KIT: variants seen among roughly 807,000 people sequenced by gnomAD.
KIT encodes the protein KIT proto-oncogene, receptor tyrosine kinase.
Under a neutral mutation model 105.7 loss-of-function variants are expected in KIT, and 16 were observed. The observed-to-expected ratio is 0.15, with a 90% CI of 0.10 to 0.23. The LOEUF is 0.23. Among genes scored for constraint, KIT ranks in the 10% least tolerant of loss-of-function variants. The pLI is 1.00. For synonymous variants in KIT, 438 were observed against 441.1 expected, an observed-to-expected ratio of 0.99 and a Z score of 0.09; for missense variants, 858 against 1,213.8, an observed-to-expected ratio of 0.71 and a Z score of 4.36.
chr4:54,679,613 T>G (rs762560698), intron 1 of KIT, among the ~76,000 whole-genome samples: 9 of 152,122 alleles, frequency 5.9e-5, no homozygotes, highest in Non-Finnish European at 1.0e-4. Context: ...ACTAGCAAAA[T>G]GTACTGATTT....
intron 1 of KIT, among the ~76,000 whole-genome samples, chr4:54,664,321 T>G (rs745863366): frequency 2.0e-5 from 3 of 152,148 alleles, no homozygotes; most frequent in Non-Finnish European, 4.4e-5. Flanking sequence ...TCAAGGAGCA[T>G]GGAGGGAATG....
At chr4:54,726,661 G>A (rs1722233131) in intron 9 of KIT, among the ~76,000 whole-genome samples, 1 of 151,954 alleles carries the variant, frequency 6.6e-6, no homozygotes, top group African/African-American at 2.4e-5. Flanking sequence ...TGTTGTTTTC[G>A]TTTTTTGAGT....
At chr4:54,686,382 A>T (rs1378516632) in intron 1 of KIT, among the ~76,000 whole-genome samples, 6 of 152,226 alleles carry the variant, frequency 3.9e-5, no homozygotes, top group Non-Finnish European at 8.8e-5. Flanking sequence ...GAGACCTGGC[A>T]TGCAGATAGA....
At chr4:54,726,716 G>A (rs747402487) in intron 9 of KIT, among the ~76,000 whole-genome samples, 41 of 151,580 alleles carry the variant, frequency 2.7e-4, no homozygotes, top group Non-Finnish European at 5.2e-4. Flanking sequence ...CTCAGGTTTT[G>A]AGTAGTGAGG....
chr4:54,719,680 C>A (rs1721737846), intron 7 of KIT, among the ~76,000 whole-genome samples: 1 of 152,118 alleles, frequency 6.6e-6, no homozygotes, highest in Non-Finnish European at 1.5e-5. Flanking sequence ...CTGCTTATTG[C>A]AGAATATCTA....
chr4:54,658,591 G>A (rs1165808105), intron 1 of KIT, among the ~76,000 whole-genome samples: 1 of 152,156 alleles, frequency 6.6e-6, no homozygotes, highest in African/African-American at 2.4e-5. Context: ...TGCGGCTACT[G>A]CCTTCCAACC....
rs988484294 is a variant in KIT, at chr4:54,727,964, A to G, written c.1879+37A>G. 5.0e-6 allele frequency: 8 copies of G among 1,612,236 alleles called. No homozygotes were observed. The African/African-American group carries it at 1.1e-4, about 22-fold the overall frequency. On this transcript the variant is annotated intron_variant, in intron 12 of 20. Coordinates refer to ENST00000288135, the MANE Select transcript of KIT (RefSeq NM_000222.3). ...TATGGTACTGCATGCGCTTGACATC[A>G]GTTTGCCAGTTGTGCTTTTTGCTAA... is the stretch of plus-strand genomic sequence containing the variant.
chr4:54,710,822 T>G (rs1261870993), intron 7 of KIT, among the ~76,000 whole-genome samples: 1 of 152,230 alleles, frequency 6.6e-6, no homozygotes, highest in Non-Finnish European at 1.5e-5. Context: ...ATTATAGGCA[T>G]GAGCCACCGC....
At chr4:54,711,855 G>C (rs1231412568) in intron 7 of KIT, among the ~76,000 whole-genome samples, 2 of 151,498 alleles carry the variant, frequency 1.3e-5, no homozygotes, top group Non-Finnish European at 1.5e-5. Flanking sequence ...CCTCAACCTG[G>C]GAGACAGAGG....
In KIT at chr4:54,699,743, A is replaced by G. The variant is rs754400702; in HGVS notation, c.733A>G (p.Thr245Ala). The G allele has an allele frequency of 1.9e-6, 3 of 1,613,824 alleles. No homozygotes were observed. Among genetic ancestry groups the G allele is most frequent in the African/African-American group, 2.7e-5 (2 of 74,914 alleles). Residue 245 changes from threonine (T) to alanine (A), a missense_variant, in exon 4 of 21, where the codon ACG becomes GCG. Thr to Ala is a moderately conservative substitution (Grantham distance 58). Around this residue, in one of 7 missense-constraint regions of KIT, gnomAD observed 401 missense variants for 601.0 expected, o/e 0.67. Coordinates refer to ENST00000288135, the MANE Select transcript of KIT (RefSeq NM_000222.3). The part of the protein sequence containing the change: ...IKDVSSSVYS[T>A]WKRENSQTKL... ...AGATGTGTCTAGTTCTGTGTACTCA[A>G]CGTGGAAAAGAGAAAACAGTCAGGT...
chr4:54,671,701 G>A (rs1718121727), intron 1 of KIT, among the ~76,000 whole-genome samples: 1 of 152,084 alleles, frequency 6.6e-6, no homozygotes, highest in Admixed American at 6.6e-5. Context: ...GCCTTCTAGA[G>A]TATTCCCTGG....
rs1057519713 is a variant in KIT, at chr4:54,736,498, G to C, written c.2485G>C (p.Ala829Pro). Residue 829 changes from alanine to proline, a missense_variant and splice_region_variant, in exon 18 of 21, where the codon GCT (alanine) becomes CCT (proline). Transcript: ENST00000288135. ...NDSNYVVKGNARLPVKWMAPE... is the reference protein window; with the variant it reads ...NDSNYVVKGNPRLPVKWMAPE... ...TGACTCTGTTGTGCTTCTATTACAG[G>C]CTCGACTACCTGTGAAGTGGATGGC... is the stretch of plus-strand genomic sequence containing the variant. 6.2e-7 allele frequency: 1 copy of C among 1,608,020 alleles called. No homozygotes were observed. Among genetic ancestry groups the C allele is most frequent in the East Asian group, 2.2e-5 (1 of 44,850 alleles).
intron 1 of KIT, among the ~76,000 whole-genome samples, chr4:54,681,053 T>G (rs1718878974): frequency 6.6e-6 from 1 of 152,166 alleles, no homozygotes. Context: ...CATGCTCTTT[T>G]GACCTGTTTC....
intron 1 of KIT, among the ~76,000 whole-genome samples, chr4:54,682,750 GTT>G (rs139702771): frequency 7.5e-5 from 10 of 134,084 alleles, no homozygotes; most frequent in Admixed American, 7.6e-5. Context: ...TGTCTTGACC[GTT>G]TTTTTTTTTT....
chr4:54,703,589 C>A (rs916473031), intron 4 of KIT, 135 bp from the exon 5 acceptor site: 9 of 702,860 alleles, frequency 1.3e-5, no homozygotes, highest in African/African-American at 3.6e-5. Flanking sequence ...CTTTATTATT[C>A]TTACTTAAGT....
chr4:54,671,310 G>A lies in KIT; in HGVS notation c.67+13229G>A, dbSNP rs568501914. On this transcript the variant is annotated intron_variant, in intron 1 of 20. Coordinates refer to ENST00000288135, the MANE Select transcript of KIT (RefSeq NM_000222.3). The stretch of plus-strand genomic sequence containing the variant: ...TCTTGCTGCAGATGGTATTGTTCTG[G>A]TTCTCGAGAAGGAATCCAAGATAAA... Among the ~76,000 whole-genome samples, 6 of 152,284 alleles carry A rather than the reference G, an allele frequency of 3.9e-5. No homozygotes were observed. In the South Asian group the frequency reaches 1.2e-3, roughly 32 times the overall value.
rs1480232749 is a variant in KIT, at chr4:54,722,807, A to G, written c.1232-777A>G. 2.0e-4 allele frequency among the ~76,000 whole-genome samples: 8 copies of G among 40,768 alleles called. No homozygotes were observed. In the East Asian group the frequency reaches 3.4e-3, roughly 18 times the overall value. 26.7% of individuals were successfully genotyped at this position (40,768 alleles called of 152,430 possible). On this transcript the variant is annotated intron_variant, in intron 7 of 20. Coordinates refer to ENST00000288135, the MANE Select transcript of KIT (RefSeq NM_000222.3). Reference sequence around the variant, plus strand: ...TTACAGTGAATATATTCAGATTTATATATATATTTATATATATATATGTAT... The same window carrying G: ...TTACAGTGAATATATTCAGATTTATGTATATATTTATATATATATATGTAT...
chr4:54,723,526 T>G, intron 7 of KIT, 58 bp from the exon 8 acceptor site: 1 of 1,101,180 alleles, frequency 9.1e-7, no homozygotes, highest in Non-Finnish European at 1.4e-6. Flanking sequence ...GGGAGTGAAG[T>G]GAATGTTGCT....
intron 7 of KIT, among the ~76,000 whole-genome samples, chr4:54,714,583 T>C (rs1401289898): frequency 6.6e-6 from 1 of 152,204 alleles, no homozygotes; most frequent in Non-Finnish European, 1.5e-5. Context: ...ATTTACATAA[T>C]TGTAGAAATA....
Sources: gnomAD v4.1 joint callset for allele counts (sites outside exome capture counted in the v4.1 genomes callset) on GRCh38, gnomAD v4.1.1 for gene constraint, gnomAD v4.1.1 regional missense constraint, MANE v1.5 for transcripts, NCBI Gene and HGNC (gene_info 2026-07-23, HGNC 2026-07-21) for gene names.